Variants in PRR16 observed in about 807,000 individuals in gnomAD.
PRR16 encodes proline rich 16.
Under a neutral mutation model 18.2 loss-of-function variants are expected in PRR16, and 6 were observed. The observed-to-expected ratio is 0.33, with a 90% confidence interval of 0.18 to 0.65. PRR16 has a LOEUF of 0.65. PRR16 is among the 30% of genes least tolerant of loss of function. The pLI is 0.74. For synonymous variants in PRR16, 151 were observed against 147.8 expected, an observed-to-expected ratio of 1.02 and a Z score of -0.16; for missense variants, 412 against 376.6, an observed-to-expected ratio of 1.09 and a Z score of -0.78.
chr5:120,477,712 C>T (rs1749486974), intron 1 of PRR16, among the ~76,000 whole-genome samples: 1 of 152,130 alleles, frequency 6.6e-6, no homozygotes, highest in Admixed American at 6.6e-5. Flanking sequence ...GCTTTGAGGC[C>T]TTTCACAGTT....
chr5:120,570,380 G>A (rs970313852), intron 1 of PRR16, among the ~76,000 whole-genome samples: 2 of 152,108 alleles, frequency 1.3e-5, no homozygotes, highest in African/African-American at 4.8e-5. Flanking sequence ...GGAAAGAGGG[G>A]ATAAATGGTG....
At chr5:120,651,918 G>T (rs946879777) in intron 1 of PRR16, among the ~76,000 whole-genome samples, 1 of 151,912 alleles carries the variant, frequency 6.6e-6, no homozygotes, top group Non-Finnish European at 1.5e-5. Flanking sequence ...ATTACCTTGG[G>T]CAGTATGGCC....
At chr5:120,626,060 A>G (rs898577063) in intron 1 of PRR16, among the ~76,000 whole-genome samples, 4 of 152,148 alleles carry the variant, frequency 2.6e-5, no homozygotes, top group Non-Finnish European at 5.9e-5. Flanking sequence ...ATAATAATCA[A>G]GCACCTGGAA....
chr5:120,754,415 A>ATATATTATATAATATATAC, the PRR16 span, among the ~76,000 whole-genome samples: 1 of 100,866 alleles, frequency 9.9e-6, no homozygotes, highest in Non-Finnish European at 1.8e-5. Context: ...ACTATATACT[A>ATATATTATATAATATATAC]TATATTATAT....
intron 1 of PRR16, among the ~76,000 whole-genome samples, chr5:120,581,568 A>C (rs6864867): frequency 0.049 from 7,361 of 151,404 alleles, 439 homozygotes; most frequent in African/African-American, 0.14. Context: ...TAGCTTTTGG[A>C]TTAGTTTGCT....
At chr5:120,613,303 T>A (rs867090839) in intron 1 of PRR16, among the ~76,000 whole-genome samples, 1 of 152,158 alleles carries the variant, frequency 6.6e-6, no homozygotes, top group Middle Eastern at 3.2e-3. Flanking sequence ...ATACTAGATT[T>A]TATATCATAT....
chr5:120,595,931 T>C (rs945561379), intron 1 of PRR16, among the ~76,000 whole-genome samples: 1 of 151,978 alleles, frequency 6.6e-6, no homozygotes, highest in African/African-American at 2.4e-5. Flanking sequence ...CCTGTCAAAA[T>C]GTAATATTTT....
the PRR16 span, among the ~76,000 whole-genome samples, chr5:120,754,102 G>A: frequency 2.0e-5 from 1 of 50,888 alleles, no homozygotes; most frequent in Admixed American, 2.4e-4. Flanking sequence ...AGTTATATCA[G>A]GAAGAAAATA....
chr5:120,667,875 C>G (rs1430800704), intron 1 of PRR16, among the ~76,000 whole-genome samples: 1 of 151,996 alleles, frequency 6.6e-6, no homozygotes, highest in Non-Finnish European at 1.5e-5. Context: ...TTACTTCCAA[C>G]TATGTGTCAG....
chr5:120,520,959 C>T (rs977068148), intron 1 of PRR16, among the ~76,000 whole-genome samples: 1 of 151,688 alleles, frequency 6.6e-6, no homozygotes, highest in Non-Finnish European at 1.5e-5. Flanking sequence ...GGAAATTTGT[C>T]CACAAGAGGC....
chr5:120,483,076 C>T (rs930854912), intron 1 of PRR16, among the ~76,000 whole-genome samples: 2 of 152,096 alleles, frequency 1.3e-5, no homozygotes, highest in Non-Finnish European at 2.9e-5. Flanking sequence ...AATCAACAAA[C>T]GTTCATTTGT....
intron 1 of PRR16, among the ~76,000 whole-genome samples, chr5:120,528,045 A>G (rs1751426710): frequency 6.6e-6 from 1 of 152,216 alleles, no homozygotes; most frequent in South Asian, 2.1e-4. Flanking sequence ...AAAAGTTAGA[A>G]TGGAGAGGTG....
At chr5:120,534,343 A>C (rs556111075) in intron 1 of PRR16, among the ~76,000 whole-genome samples, 1 of 152,182 alleles carries the variant, frequency 6.6e-6, no homozygotes, top group South Asian at 2.1e-4. Context: ...AAGATATTAT[A>C]TTTTTCCTTT....
intron 1 of PRR16, among the ~76,000 whole-genome samples, chr5:120,488,818 G>C (rs1749913042): frequency 6.6e-6 from 1 of 151,860 alleles, no homozygotes; most frequent in African/African-American, 2.4e-5. Flanking sequence ...ACACTGCTTT[G>C]AATGTGTCTC....
At chr5:120,629,220 C>T (rs1754975595) in intron 1 of PRR16, among the ~76,000 whole-genome samples, 1 of 151,940 alleles carries the variant, frequency 6.6e-6, no homozygotes, top group Non-Finnish European at 1.5e-5. Flanking sequence ...TGATTTTATT[C>T]TTTTTTATGA....
chr5:120,632,934 T>C (rs1755106630), intron 1 of PRR16, among the ~76,000 whole-genome samples: 1 of 152,106 alleles, frequency 6.6e-6, no homozygotes, highest in Admixed American at 6.6e-5. Context: ...AGTCATCAGG[T>C]TATCTAAAGT....
chr5:120,509,511 G>C (rs1464605107), intron 1 of PRR16, among the ~76,000 whole-genome samples: 2 of 152,038 alleles, frequency 1.3e-5, no homozygotes, highest in Admixed American at 1.3e-4. Flanking sequence ...GTTAAGAAGG[G>C]CTCCTCCACT....
the PRR16 span, among the ~76,000 whole-genome samples, chr5:120,775,550 T>C: frequency 6.6e-6 from 1 of 152,070 alleles, no homozygotes; most frequent in African/African-American, 2.4e-5. Context: ...CCTGATTCTG[T>C]TCATTTCTAT....
rs529286536 is a variant in PRR16 at position 120,558,146 on chromosome 5, T to C, written c.159+93501T>C. On this transcript the variant is annotated intron_variant, in intron 1 of 1. Transcript: ENST00000407149. ...CATTTATCCTTTGTTTTACAAATAA[T>C]CCAATTATACTCTTTTAGTTCTTTT... Among the ~76,000 whole-genome samples, 6 of 152,040 alleles carry C rather than the reference T, an allele frequency of 3.9e-5. No individual in the cohort carries two copies. In the East Asian group the frequency reaches 1.2e-3, roughly 29 times the overall value.
Sources: gnomAD v4.1 joint callset for allele counts (sites outside exome capture counted in the v4.1 genomes callset) on GRCh38, gnomAD v4.1.1 for gene constraint, MANE v1.5 for transcripts, NCBI Gene and HGNC (gene_info 2026-07-23, HGNC 2026-07-21) for gene names.